The following JAK1 variants were observed in gnomAD, a reference collection of about 807,000 sequenced individuals.
The protein encoded by JAK1 is tyrosine-protein kinase JAK1.
Under a neutral mutation model 136.6 loss-of-function variants are expected in JAK1, and 16 were observed. That is an observed-to-expected ratio of 0.12 (90% CI 0.08 to 0.18). The LOEUF (loss-of-function observed/expected upper bound fraction) is 0.18, where lower values mean the gene tolerates loss of function less well. JAK1 is among the 10% of genes least tolerant of loss of function. The pLI is 1.00. For missense variants in JAK1, 859 were observed against 1,450.1 expected, an observed-to-expected ratio of 0.59 and a Z score of 6.62; for synonymous variants, 492 against 519.5, an observed-to-expected ratio of 0.95 and a Z score of 0.72.
chr1:64,880,330 T>G (rs1169826235), intron 3 of JAK1, among the ~76,000 whole-genome samples: 1 of 152,230 alleles, frequency 6.6e-6, no homozygotes, highest in Non-Finnish European at 1.5e-5. Context: ...CTTGGGAACA[T>G]AGGCAAATGG....
chr1:64,918,028 G>A (rs908990450), intron 1 of JAK1, among the ~76,000 whole-genome samples: 1 of 152,162 alleles, frequency 6.6e-6, no homozygotes, highest in Admixed American at 6.5e-5. Context: ...ATCTAGAGAT[G>A]GCATCACTGC....
At chr1:65,008,524 G>A (rs1188920598) in intron 2 of JAK1, among the ~76,000 whole-genome samples, 6 of 151,942 alleles carry the variant, frequency 3.9e-5, no homozygotes, top group Non-Finnish European at 5.9e-5. Flanking sequence ...CTCCCACTAT[G>A]GCCTCCCAAA....
chr1:64,891,886 C>T (rs1459940975), intron 1 of JAK1, among the ~76,000 whole-genome samples: 4 of 152,232 alleles, frequency 2.6e-5, no homozygotes, highest in African/African-American at 4.8e-5. Flanking sequence ...ACCCCAGAAC[C>T]GTAAGTGCTG....
intron 1 of JAK1, among the ~76,000 whole-genome samples, chr1:65,049,890 G>T (rs1472516532): frequency 8.5e-5 from 13 of 152,162 alleles, no homozygotes; most frequent in Non-Finnish European, 1.3e-4. Context: ...TGTCAAATTC[G>T]CATGCTCCGC....
intron 1 of JAK1, among the ~76,000 whole-genome samples, chr1:65,044,810 TC>T (rs1038993418): frequency 1.3e-5 from 2 of 152,224 alleles, no homozygotes; most frequent in Admixed American, 1.3e-4. Context: ...GCAGGCTGTG[TC>T]CTGCTGTCAC....
At chr1:64,845,278 C>T (rs1655154584) in intron 15 of JAK1, among the ~76,000 whole-genome samples, 1 of 152,154 alleles carries the variant, frequency 6.6e-6, no homozygotes, top group African/African-American at 2.4e-5. Flanking sequence ...TGCAAGTCGG[C>T]CCTCTGACGT....
At chr1:64,944,918 G>C (rs1226482899) in intron 1 of JAK1, among the ~76,000 whole-genome samples, 2 of 152,016 alleles carry the variant, frequency 1.3e-5, no homozygotes, top group Non-Finnish European at 2.9e-5. Context: ...AAGGGAGGCA[G>C]CAGCCAATAC....
At chr1:64,892,933 C>G (rs922695530) in intron 1 of JAK1, among the ~76,000 whole-genome samples, 1 of 152,128 alleles carries the variant, frequency 6.6e-6, no homozygotes, top group Non-Finnish European at 1.5e-5. Context: ...CTACTGACAG[C>G]TGGCAAGACT....
intron 1 of JAK1, chr1:64,942,191 A>T (rs1270935798): frequency 6.6e-6 from 1 of 152,188 alleles, no homozygotes; most frequent in East Asian, 1.9e-4. Context: ...GGACACATGG[A>T]TCTGAATTGC....
chr1:64,869,650 G>A (rs1656952108), intron 5 of JAK1, among the ~76,000 whole-genome samples, 176 bp from the exon 6 acceptor site: 1 of 152,192 alleles, frequency 6.6e-6, no homozygotes, highest in South Asian at 2.1e-4. Context: ...GGGCTCAGGA[G>A]ATGTTCTCCC....
chr1:64,889,756 G>T (rs1454400899), intron 1 of JAK1, among the ~76,000 whole-genome samples: 4 of 152,236 alleles, frequency 2.6e-5, no homozygotes, highest in Non-Finnish European at 5.9e-5. Context: ...GGCATCTTTT[G>T]AAAGACTGGT....
rs1028218061 is a variant in JAK1, at chr1:64,980,265, T to C, written c.-78+64215A>G. On this transcript the variant is annotated intron_variant, in intron 2 of 25. Coordinates refer to the JAK1 transcript ENST00000671954. ...AAAGCCCTTTCAAGAGTGAGGTAAC[T>C]TCTGGAGGGACACTTCCACCTCCTC... Among the ~76,000 whole-genome samples the C allele has an allele frequency of 1.2e-4, 19 of 152,144 alleles. 1 individual carries two copies. Among genetic ancestry groups the C allele is most frequent in the African/African-American group, 4.6e-4 (19 of 41,414 alleles).
At chr1:64,868,249 T>G (rs1286455981) in intron 6 of JAK1, among the ~76,000 whole-genome samples, 1 of 152,068 alleles carries the variant, frequency 6.6e-6, no homozygotes, top group East Asian at 1.9e-4. Context: ...GAACGTTGAG[T>G]ACCCCTGAAA....
chr1:64,874,413 GAT>G (rs1657268028), intron 4 of JAK1, among the ~76,000 whole-genome samples: 1 of 151,676 alleles, frequency 6.6e-6, no homozygotes, highest in East Asian at 1.9e-4. Flanking sequence ...GAATACATAA[GAT>G]ATATACAGGT....
intron 8 of JAK1, among the ~76,000 whole-genome samples, chr1:64,860,929 CGTGTGTGT>C (rs577274261): frequency 6.0e-4 from 29 of 48,512 alleles, no homozygotes; most frequent in East Asian, 5.4e-3. Flanking sequence ...CCCCTGGGTC[CGTGTGTGT>C]GTGTGTGTGT....
At chr1:64,990,253 C>T (rs905125803) in intron 2 of JAK1, 1 of 152,038 alleles carries the variant, frequency 6.6e-6, no homozygotes, top group South Asian at 2.1e-4. Context: ...AGTGAGCTGA[C>T]ATCAGGCCAG....
chr1:64,897,431 A>G (rs1645030236), intron 1 of JAK1, among the ~76,000 whole-genome samples: 1 of 135,640 alleles, frequency 7.4e-6, no homozygotes, highest in African/African-American at 2.8e-5. Context: ...CCAAAAGAAA[A>G]AGAGAAAAAA....
chr1:65,061,882 A>C (rs1647805218), intron 1 of JAK1, among the ~76,000 whole-genome samples: 1 of 152,210 alleles, frequency 6.6e-6, no homozygotes. Context: ...GCAGAAAGGC[A>C]AGAAAATGTC....
intron 2 of JAK1, among the ~76,000 whole-genome samples, chr1:65,042,564 C>G (rs542380196): frequency 6.6e-6 from 1 of 152,032 alleles, no homozygotes; most frequent in Non-Finnish European, 1.5e-5. Flanking sequence ...TAGAGTTGGC[C>G]GAAGGTTGTC....
Sources: allele counts gnomAD v4.1 joint callset (sites outside exome capture counted in the v4.1 genomes callset), GRCh38; gene constraint gnomAD v4.1.1; transcripts MANE v1.5; gene names NCBI Gene and HGNC (gene_info 2026-07-23, HGNC 2026-07-21).